TM6SF1: variants seen among roughly 807,000 people sequenced by gnomAD.
TM6SF1 encodes transmembrane 6 superfamily member 1.
In TM6SF1, 43 loss-of-function variants were observed where a neutral mutation model predicts 47.1. The ratio of observed to expected loss-of-function variants is 0.91; its 90% CI spans 0.72 to 1.18. The LOEUF is 1.18. TM6SF1 is among the 50% of genes most tolerant of loss of function. The probability of loss-of-function intolerance (pLI) is 0.00; values close to 1 mark genes in which losing one functional copy is unlikely to be tolerated. For missense variants in TM6SF1, 390 were observed against 449.0 expected, an observed-to-expected ratio of 0.87 and a Z score of 1.19; for synonymous variants, 177 against 166.3, an observed-to-expected ratio of 1.06 and a Z score of -0.49.
Position 83,122,746 on chromosome 15 carries a change from C to T in TM6SF1, c.482-11C>T. The T allele has an allele frequency of 1.2e-6, 2 of 1,611,896 alleles. No individual in the cohort carries two copies. Among genetic ancestry groups the T allele is most frequent in the South Asian group, 2.2e-5 (2 of 90,550 alleles). Reference sequence around the variant, plus strand: ...TTTGGTAACTTCTTTCTCTTTCTCTCTTTTAAATAGGGAAGTATGGAACAC... The same window carrying T: ...TTTGGTAACTTCTTTCTCTTTCTCTTTTTTAAATAGGGAAGTATGGAACAC... On this transcript the variant is annotated splice_polypyrimidine_tract_variant and intron_variant, in intron 5 of 9. Transcript: ENST00000322019.
intron 3 of TM6SF1, among the ~76,000 whole-genome samples, chr15:83,118,718 G>A (rs2034931059): frequency 1.3e-5 from 2 of 152,126 alleles, no homozygotes; most frequent in African/African-American, 4.8e-5. Context: ...ATCTTACAGC[G>A]TGAAACAAGC....
At chr15:83,108,864 G>A (rs2151329372) in intron 1 of TM6SF1, among the ~76,000 whole-genome samples, 1 of 152,348 alleles carries the variant, frequency 6.6e-6, no homozygotes, top group Admixed American at 6.5e-5. Context: ...CCAGGCACCA[G>A]CAGTGTCTAC....
chr15:83,120,227 C>T (rs1009097925), intron 4 of TM6SF1: 1 of 157,726 alleles, frequency 6.3e-6, no homozygotes, highest in African/African-American at 2.4e-5. Flanking sequence ...ATTGGTACCC[C>T]CATCATGATA....
chr15:83,120,587 CTTTTTTTT>C (rs993490763), intron 4 of TM6SF1, among the ~76,000 whole-genome samples: 3 of 125,958 alleles, frequency 2.4e-5, no homozygotes, highest in East Asian at 2.4e-4. Flanking sequence ...CCAGCTAATT[CTTTTTTTT>C]TTTTTTTTTT....
intron 3 of TM6SF1, among the ~76,000 whole-genome samples, chr15:83,118,002 G>A (rs955420707): frequency 3.9e-5 from 6 of 152,168 alleles, no homozygotes; most frequent in Admixed American, 6.5e-5. Flanking sequence ...CTGCATAGGA[G>A]AATGAGGAAT....
At chr15:83,108,644 G>C (rs2033885820) in intron 1 of TM6SF1, among the ~76,000 whole-genome samples, 1 of 152,236 alleles carries the variant, frequency 6.6e-6, no homozygotes, top group South Asian at 2.1e-4. Context: ...GCCAGCCTCT[G>C]TTCCTGCTGA....
Position 83,124,736 on chromosome 15 carries a change from G to C in TM6SF1, c.668G>C (p.Cys223Ser). The change falls in exon 7 of 10, where the codon TGT becomes TCT. Residue 223 changes from cysteine (C) to serine (S), a missense_variant. Coordinates refer to ENST00000322019, the MANE Select transcript of TM6SF1 (RefSeq NM_023003.5). The part of the protein sequence containing the change: ...RRPFDLMLVV[C>S]LLLATGFCLF... ...CCATTTGATTTAATGTTGGTTGTGT[G>C]TCTCCTCCTGGCAACTGGATTTTGC... 1 of 1,614,078 alleles carries C rather than the reference G, an allele frequency of 6.2e-7. No homozygotes were observed. The highest frequency in any genetic ancestry group is 8.5e-7 in the Non-Finnish European group (1 of 1,180,012).
chr15:83,109,863 C>T (rs182345372), intron 1 of TM6SF1, among the ~76,000 whole-genome samples: 69 of 152,302 alleles, frequency 4.5e-4, no homozygotes, highest in African/African-American at 1.5e-3. Context: ...TTCCTCCTAT[C>T]GCAGACTGTT....
At chr15:83,110,158 G>C (rs1404469824) in intron 1 of TM6SF1, among the ~76,000 whole-genome samples, 1 of 152,066 alleles carries the variant, frequency 6.6e-6, no homozygotes, top group African/African-American at 2.4e-5. Flanking sequence ...ATTAGATTGA[G>C]AGGTCAGGAA....
chr15:83,115,034 C>T (rs1201487107), intron 2 of TM6SF1: 1 of 152,472 alleles, frequency 6.6e-6, no homozygotes, highest in Non-Finnish European at 1.5e-5. Context: ...CTAGGATACG[C>T]CATGTGGAAT....
chr15:83,119,123 T>G (rs978336336), intron 3 of TM6SF1, among the ~76,000 whole-genome samples: 1 of 152,004 alleles, frequency 6.6e-6, no homozygotes. Flanking sequence ...GGGGAATGAG[T>G]GTTGTGCCAT....
intron 3 of TM6SF1, among the ~76,000 whole-genome samples, chr15:83,117,598 G>C (rs1427099012): frequency 6.6e-6 from 1 of 152,060 alleles, no homozygotes; most frequent in East Asian, 1.9e-4. Flanking sequence ...CTGACGAGAG[G>C]GCTGGAGGCT....
At position 83,115,842 on chromosome 15, in the gene TM6SF1, T is replaced by G; in HGVS notation, c.197-3T>G. 5 of 1,610,074 alleles carry G rather than the reference T, an allele frequency of 3.1e-6. No homozygotes were observed. Among genetic ancestry groups the G allele is most frequent in the Non-Finnish European group, 3.4e-6 (4 of 1,176,250 alleles). ...TTTTAAACTGCTGCTTTCTTTGCTC[T>G]AGTGTATGCAGTTTTTGGATTTACC... On this transcript the variant is annotated splice_polypyrimidine_tract_variant and splice_region_variant and intron_variant, in intron 2 of 9. Transcript: ENST00000322019.
At chr15:83,128,840 T>A (rs1372032636) in intron 9 of TM6SF1, 1 of 152,104 alleles carries the variant, frequency 6.6e-6, no homozygotes, top group African/African-American at 2.4e-5. Flanking sequence ...CTTTTTTTTT[T>A]CTTTTAAAGA....
chr15:83,134,147 A>G (rs1361336786), intron 9 of TM6SF1: 1 of 152,182 alleles, frequency 6.6e-6, no homozygotes, highest in African/African-American at 2.4e-5. Context: ...GAGCTCTAAC[A>G]ATGTGACAGG....
rs897648128 is a variant in TM6SF1, at chr15:83,116,114, C to T, written c.294+172C>T. Among the ~76,000 whole-genome samples, 9 of 152,332 alleles carry T rather than the reference C, an allele frequency of 5.9e-5. No individual in the cohort carries two copies. In the South Asian group the frequency reaches 6.2e-4, roughly 11 times the overall value. ...CACATGGAAAGTGGAGCAGAAAGGA[C>T]GGTTAGATCACGAGAGGCAATTCTC... is the stretch of plus-strand genomic sequence containing the variant. On this transcript the variant is annotated intron_variant, in intron 3 of 9. Coordinates refer to ENST00000322019, the MANE Select transcript of TM6SF1 (RefSeq NM_023003.5).
intron 1 of TM6SF1, chr15:83,111,559 A>C (rs1596467261): frequency 1.0e-6 from 1 of 954,180 alleles, no homozygotes; most frequent in African/African-American, 1.8e-5. Flanking sequence ...TTCTATTCTT[A>C]TCTTTCTCTC....
Position 83,136,915 on chromosome 15 carries a change from T to C in TM6SF1, c.*243T>C, listed in dbSNP as rs956602556. The C allele has an allele frequency of 9.5e-6, 3 of 315,336 alleles. No homozygotes were observed. The Admixed American group carries it at 1.3e-4, about 14-fold the overall frequency. The allele number at this position is 315,336 out of a possible 1,614,324, so 19.5% of individuals were successfully genotyped here. On this transcript the variant is annotated 3_prime_UTR_variant, in exon 10 of 10. Transcript: ENST00000322019. ...AATCATTTGTGAATAAACTTGATCATCCATCTCAATATTGTTTGACATATA... is the reference window on the plus strand; with the variant it reads ...AATCATTTGTGAATAAACTTGATCACCCATCTCAATATTGTTTGACATATA...
At position 83,107,945 on chromosome 15, in the gene TM6SF1, G is replaced by GC. The variant is rs889070753; in HGVS notation, c.92+174dup. 161 of 1,237,488 alleles carry GC rather than the reference G, an allele frequency of 1.3e-4. No homozygotes were observed. Among genetic ancestry groups the GC allele is most frequent in the Non-Finnish European group, 1.6e-4 (153 of 972,026 alleles). The allele number at this position is 1,237,488 out of a possible 1,614,324, so 76.7% of individuals were successfully genotyped here. On this transcript the variant is annotated intron_variant, in intron 1 of 9. Transcript: ENST00000322019. This position sits in a 1 kb window ranked among gnomAD's most constrained non-coding sequence, Gnocchi z 5.6. The stretch of plus-strand genomic sequence containing the variant: ...AGACTAGGGGGGCGCCCCAGGGGTC[G>GC]CACGGGCCGGGTCTTGGAGCCGGGC...
Sources: allele counts gnomAD v4.1 joint callset (sites outside exome capture counted in the v4.1 genomes callset), GRCh38; gene constraint gnomAD v4.1.1; non-coding constraint Gnocchi (gnomAD v3.1); transcripts MANE v1.5; gene names NCBI Gene and HGNC (gene_info 2026-07-23, HGNC 2026-07-21).